The following CC2D1A variants were observed in gnomAD, a reference collection of about 807,000 sequenced individuals.
CC2D1A encodes the protein coiled-coil and C2 domain containing 1A.
CC2D1A carries 68 observed loss-of-function variants against 123.8 expected under a neutral mutation model. The observed-to-expected ratio is 0.55, with a 90% confidence interval of 0.45 to 0.67. CC2D1A has a LOEUF of 0.67. Among genes scored for constraint, CC2D1A ranks in the 30% least tolerant of loss-of-function variants. The pLI, the probability that CC2D1A is intolerant of heterozygous loss-of-function variation, is 0.00. For missense variants in CC2D1A, 1,185 were observed against 1,290.3 expected, an observed-to-expected ratio of 0.92 and a Z score of 1.25; for synonymous variants, 477 against 528.0, an observed-to-expected ratio of 0.90 and a Z score of 1.32.
Position 13,915,836 on chromosome 19 carries a change from A to T in CC2D1A, c.748+2198A>T, listed in dbSNP as rs549297060. 2.0e-5 allele frequency among the ~76,000 whole-genome samples: 3 copies of T among 152,242 alleles called. No individual in the cohort carries two copies. In the South Asian group the frequency reaches 6.2e-4, roughly 32 times the overall value. On this transcript the variant is annotated intron_variant, in intron 6 of 28. Transcript: ENST00000318003. ...AGCAAGATCTTATCTCTAAAAAAAG[A>T]AAAAACAGAAGAGGATTGAATGGGA...
At chr19:13,919,634 T>C (rs1196246868) in intron 11 of CC2D1A, 184 bp from the exon 12 acceptor site, 1 of 476,106 alleles carries the variant, frequency 2.1e-6, no homozygotes, top group Non-Finnish European at 3.5e-6. Context: ...CTCTAGATCA[T>C]GCCACTGTAC....
intron 6 of CC2D1A, among the ~76,000 whole-genome samples, chr19:13,916,966 A>C (rs1385708764): frequency 1.3e-5 from 2 of 152,208 alleles, no homozygotes; most frequent in Non-Finnish European, 2.9e-5. Context: ...TAACTAACAC[A>C]CTGTTTAAAA....
chr19:13,913,697 C>G (rs912209324), intron 6 of CC2D1A, 59 bp downstream of exon 6: 19 of 1,334,482 alleles, frequency 1.4e-5, no homozygotes, highest in African/African-American at 2.9e-5. Flanking sequence ...TGGCAGGATG[C>G]TGCTCTAGGG....
intron 1 of CC2D1A, among the ~76,000 whole-genome samples, chr19:13,907,163 T>A (rs921006503): frequency 1.9e-4 from 29 of 152,084 alleles, no homozygotes; most frequent in Admixed American, 1.6e-3. Context: ...TCCCAGCACT[T>A]CAGGAGATGG....
At position 13,926,582 on chromosome 19, in the gene CC2D1A, C is replaced by A; in HGVS notation, c.2006C>A (p.Thr669Lys). 1 of 1,614,160 alleles carries A rather than the reference C, an allele frequency of 6.2e-7. No individual in the cohort carries two copies. The highest frequency in any genetic ancestry group is 2.2e-5 in the East Asian group (1 of 44,862). The change falls in exon 18 of 29, where the codon ACA becomes AAA. Residue 669 changes from threonine (T) to lysine (K), a missense_variant. Coordinates refer to ENST00000318003, the MANE Select transcript of CC2D1A (RefSeq NM_017721.5). ...ATCGTGAAGGGCATCAACTTGCCCA[C>A]ACCCCCAGGTGAGGGGGCTGTAGGC... ...LFIVKGINLP[T>K]PPGLSPGDLD...
intron 2 of CC2D1A, among the ~76,000 whole-genome samples, chr19:13,910,851 C>T (rs1970974431): frequency 6.6e-6 from 1 of 152,036 alleles, no homozygotes; most frequent in African/African-American, 2.4e-5. Flanking sequence ...GCAGCAGTTG[C>T]AGTGGGCAGA....
Position 13,912,541 on chromosome 19 carries a change from A to C in CC2D1A, c.326A>C (p.Glu109Ala), listed in dbSNP as rs1188722671. 3 of 1,613,990 alleles carry C rather than the reference A, an allele frequency of 1.9e-6. No individual in the cohort carries two copies. In the African/African-American group the frequency reaches 4.0e-5, roughly 22 times the overall value. The change falls in exon 4 of 29, where the codon GAG (glutamate) becomes GCG (alanine). Residue 109 changes from glutamate (E) to alanine (A), a missense_variant. Transcript: ENST00000318003. ...ADDDLLAELN[E>A]VLGEEQKASE... is the part of the protein sequence containing the mutation. Reference sequence around the variant, plus strand: ...GTGTCCCTGCAGGCGGAGCTAAATGAGGTCCTTGGAGAGGAGCAGAAGGCT... The same window carrying C: ...GTGTCCCTGCAGGCGGAGCTAAATGCGGTCCTTGGAGAGGAGCAGAAGGCT...
At chr19:13,924,434 T>A (rs1044073009) in intron 17 of CC2D1A, among the ~76,000 whole-genome samples, 4 of 152,112 alleles carry the variant, frequency 2.6e-5, no homozygotes, top group African/African-American at 7.2e-5. Flanking sequence ...CCTCCCAAAG[T>A]GCTGGGATTA....
intron 17 of CC2D1A, among the ~76,000 whole-genome samples, chr19:13,926,065 T>TACACAC (rs111396032): frequency 1.2e-4 from 15 of 128,078 alleles, no homozygotes; most frequent in African/African-American, 5.4e-4. Context: ...TATGTATATA[T>TACACAC]ACACACACAC....
intron 1 of CC2D1A, among the ~76,000 whole-genome samples, chr19:13,908,044 G>A (rs1477373029): frequency 6.6e-6 from 1 of 151,998 alleles, no homozygotes; most frequent in African/African-American, 2.4e-5. Context: ...TTGCTCTCTC[G>A]CCCCAGGCTG....
rs1303971349 is a variant in CC2D1A at position 13,913,197 on chromosome 19, G to A, written c.408G>A (p.Leu136=). 6.2e-7 allele frequency: 1 copy of A among 1,613,020 alleles called. No individual in the cohort carries two copies. Among genetic ancestry groups the A allele is most frequent in the African/African-American group, 1.3e-5 (1 of 74,924 alleles). ...QPKPEAPHPG[L]ETTLQERLAL... Reference sequence around the variant, plus strand: ...AGCCTGAGGCCCCTCATCCGGGGCTGGAGACCACCTTGCAGGAGAGGCTGG... The same window carrying A: ...AGCCTGAGGCCCCTCATCCGGGGCTAGAGACCACCTTGCAGGAGAGGCTGG... Residue 136 remains leucine (L), a synonymous_variant, in exon 5 of 29, where the codon CTG becomes CTA. Transcript: ENST00000318003.
chr19:13,909,793 G>A (rs1220611143), intron 1 of CC2D1A, 30 bp from the exon 2 acceptor site: 1 of 1,605,594 alleles, frequency 6.2e-7, no homozygotes, highest in East Asian at 2.2e-5. Flanking sequence ...GTGAACCAAA[G>A]GTCTGACTGA....
Position 13,927,021 on chromosome 19 carries a change from T to C in CC2D1A, c.2169T>C (p.Arg723=). 1.2e-6 allele frequency: 2 copies of C among 1,614,124 alleles called. No homozygotes were observed. Among genetic ancestry groups the C allele is most frequent in the Middle Eastern group, 1.6e-4 (1 of 6,062 alleles). Residue 723 remains arginine (R), a synonymous_variant, in exon 21 of 29, where the codon CGT becomes CGC. Transcript: ENST00000318003. ...AACTCTGCATCAACCGCAGCCACCG[T>C]GGCTTCCGAAGGGCCATCCAGACCA... ...QFKLCINRSH[R]GFRRAIQTKG...
At chr19:13,927,413 C>T in intron 22 of CC2D1A, 148 bp downstream of exon 22, 1 of 648,908 alleles carries the variant, frequency 1.5e-6, no homozygotes, top group South Asian at 1.8e-5. Context: ...ACTGCCCAGC[C>T]CTAAATACTT....
chr19:13,928,753 G>A (rs533781000), intron 24 of CC2D1A, among the ~76,000 whole-genome samples: 2 of 145,356 alleles, frequency 1.4e-5, no homozygotes, highest in Non-Finnish European at 3.0e-5. Flanking sequence ...CTGTCGCCCA[G>A]GCTAGAGTGC....
intron 19 of CC2D1A, 35 bp downstream of exon 19, chr19:13,926,760 C>G (rs1162298718): frequency 6.2e-7 from 1 of 1,614,006 alleles, no homozygotes; most frequent in South Asian, 1.1e-5. Flanking sequence ...GGGCTGCAGC[C>G]TCAGTGGGCC....
rs548581507 is a variant in CC2D1A at position 13,906,555 on chromosome 19, C to G, written c.60+54C>G. ...GGGATCCCTCCCCACCCCCGTCACT[C>G]GCTCAGGGAAGGGCCCCACCCCCCA... On this transcript the variant is annotated intron_variant, in intron 1 of 28. Coordinates refer to ENST00000318003, the MANE Select transcript of CC2D1A (RefSeq NM_017721.5). The surrounding 1 kb of genome is among the most constrained non-coding windows in gnomAD (Gnocchi z 4.1). 9.5e-6 allele frequency: 12 copies of G among 1,257,954 alleles called. No individual in the cohort carries two copies. In the East Asian group the frequency reaches 2.8e-4, roughly 29 times the overall value. 77.9% of individuals were successfully genotyped at this position (1,257,954 alleles called of 1,614,324 possible).
At chr19:13,909,420 T>TG (rs1396139004) in intron 1 of CC2D1A, among the ~76,000 whole-genome samples, 1 of 151,536 alleles carries the variant, frequency 6.6e-6, no homozygotes, top group Non-Finnish European at 1.5e-5. Flanking sequence ...TTTGTAGAGT[T>TG]GGGGGTCTCA....
chr19:13,911,037 C>A (rs1016134108), intron 2 of CC2D1A, among the ~76,000 whole-genome samples: 1 of 151,914 alleles, frequency 6.6e-6, no homozygotes, highest in African/African-American at 2.4e-5. Context: ...ACACATAGAG[C>A]AAGGTTGTGT....
Sources: allele counts gnomAD v4.1 joint callset (sites outside exome capture counted in the v4.1 genomes callset), GRCh38; gene constraint gnomAD v4.1.1; non-coding constraint Gnocchi (gnomAD v3.1); transcripts MANE v1.5; gene names NCBI Gene and HGNC (gene_info 2026-07-23, HGNC 2026-07-21).